Variants in LIMCH1 observed in about 807,000 individuals in gnomAD.
The protein encoded by LIMCH1 is LIM and calponin homology domains-containing protein 1.
A neutral mutation model predicts 176.5 loss-of-function variants in LIMCH1; 113 were observed. The ratio of observed to expected loss-of-function variants is 0.64; its 90% CI spans 0.55 to 0.75. The LOEUF is 0.75. Among genes scored for constraint, LIMCH1 ranks in the 30% least tolerant of loss-of-function variants. The pLI is 0.00. For synonymous variants in LIMCH1, 619 were observed against 645.9 expected (o/e 0.96, Z 0.63); for missense variants, 1,674 against 1,814.9 (o/e 0.92, Z 1.41).
intron 1 of LIMCH1, among the ~76,000 whole-genome samples, chr4:41,434,780 G>A (rs6848508): frequency 0.13 from 19,416 of 152,240 alleles, 1,478 homozygotes; most frequent in Admixed American, 0.21. Flanking sequence ...GCCTCCCAAA[G>A]TGCTGGGATT....
intron 26 of LIMCH1, 143 bp from the exon 27 acceptor site, chr4:41,684,254 C>T (rs189994368): frequency 2.2e-4 from 135 of 618,612 alleles, no homozygotes; most frequent in Admixed American, 1.1e-3. Flanking sequence ...CATTTTAAAT[C>T]TATTTTAAAA....
At chr4:41,659,765 G>A (rs1463267122) in intron 18 of LIMCH1, among the ~76,000 whole-genome samples, 1 of 152,050 alleles carries the variant, frequency 6.6e-6, no homozygotes, top group Non-Finnish European at 1.5e-5. Context: ...AAATGCAATA[G>A]TCATTAACTT....
chr4:41,531,276 G>T (rs1452926780), intron 3 of LIMCH1, among the ~76,000 whole-genome samples: 2 of 151,712 alleles, frequency 1.3e-5, no homozygotes, highest in South Asian at 4.2e-4. Flanking sequence ...TTTGAAAAAG[G>T]CACTGCTACA....
chr4:41,671,153 G>A (rs918083877), intron 21 of LIMCH1: 1 of 280,834 alleles, frequency 3.6e-6, no homozygotes, highest in East Asian at 1.8e-4. Flanking sequence ...GTGACATCTG[G>A]CCTCTGTTTG....
intron 27 of LIMCH1, among the ~76,000 whole-genome samples, 164 bp from the exon 28 acceptor site, chr4:41,685,546 A>G (rs1585934808): frequency 6.6e-6 from 1 of 152,206 alleles, no homozygotes; most frequent in Admixed American, 6.5e-5. Context: ...AAACTAAATC[A>G]TGATGCAGTG....
intron 25 of LIMCH1, among the ~76,000 whole-genome samples, chr4:41,682,057 A>G (rs1323548316): frequency 6.6e-6 from 1 of 152,120 alleles, no homozygotes; most frequent in Non-Finnish European, 1.5e-5. Context: ...ATACCAGAAA[A>G]CCATTTGTCC....
intron 18 of LIMCH1, among the ~76,000 whole-genome samples, chr4:41,653,314 G>T (rs1372763902): frequency 6.8e-6 from 1 of 146,718 alleles, no homozygotes. Context: ...TCTTGACTGT[G>T]TTACAGCCGG....
chr4:41,474,011 C>T (rs979964572), intron 1 of LIMCH1, among the ~76,000 whole-genome samples: 3 of 151,038 alleles, frequency 2.0e-5, no homozygotes, highest in African/African-American at 7.3e-5. Context: ...AACCCTGTCT[C>T]TACTAAAAAT....
intron 23 of LIMCH1, among the ~76,000 whole-genome samples, chr4:41,678,235 CT>C (rs58108652): frequency 1.5e-4 from 22 of 147,732 alleles, no homozygotes; most frequent in Middle Eastern, 3.5e-3. Flanking sequence ...TTTTTCTTTT[CT>C]TTTTTTTTTT....
intron 1 of LIMCH1, among the ~76,000 whole-genome samples, chr4:41,559,498 C>CT (rs1261959655): frequency 1.3e-5 from 2 of 152,132 alleles, no homozygotes; most frequent in African/African-American, 4.8e-5. Context: ...TTAAATCCCC[C>CT]TTTCCTGAAC....
Position 41,697,144 on chromosome 4 carries a change from T to C in LIMCH1, c.4379-16T>C, listed in dbSNP as rs1731325734. On this transcript the variant is annotated splice_polypyrimidine_tract_variant and intron_variant, in intron 31 of 31. Coordinates refer to ENST00000503057, the MANE Select transcript of LIMCH1 (RefSeq NM_001330672.2). Reference sequence around the variant, plus strand: ...TGCCTACCACTCTTGTTTGTTGTTGTTTGTTTTAATCACAGGTGCCGGGCA... The same window carrying C: ...TGCCTACCACTCTTGTTTGTTGTTGCTTGTTTTAATCACAGGTGCCGGGCA... 1 of 1,613,234 alleles carries C rather than the reference T, an allele frequency of 6.2e-7. No homozygotes were observed. Among genetic ancestry groups the C allele is most frequent in the Admixed American group, 1.7e-5 (1 of 59,980 alleles).
chr4:41,630,268 T>C (rs1308816270), intron 9 of LIMCH1, among the ~76,000 whole-genome samples: 1 of 152,094 alleles, frequency 6.6e-6, no homozygotes, highest in Middle Eastern at 3.2e-3. Context: ...GCAAGCCCCT[T>C]GTATCATTTT....
intron 1 of LIMCH1, among the ~76,000 whole-genome samples, chr4:41,579,516 T>C (rs1385361624): frequency 2.6e-5 from 4 of 152,210 alleles, no homozygotes; most frequent in African/African-American, 9.6e-5. Context: ...CTTGACATAG[T>C]TGTGCAGTCC....
chr4:41,522,689 T>C (rs916489394), intron 2 of LIMCH1, among the ~76,000 whole-genome samples: 1 of 152,236 alleles, frequency 6.6e-6, no homozygotes, highest in African/African-American at 2.4e-5. Context: ...CCTGAGAGAA[T>C]GCATTGATCT....
chr4:41,622,986 C>T (rs2092693063), intron 7 of LIMCH1, among the ~76,000 whole-genome samples: 1 of 152,194 alleles, frequency 6.6e-6, no homozygotes, highest in African/African-American at 2.4e-5. Context: ...GATTTTTCAG[C>T]TGCCAGCCAG....
At chr4:41,690,968 GTAGT>G (rs1725101299) in intron 30 of LIMCH1, among the ~76,000 whole-genome samples, 1 of 152,096 alleles carries the variant, frequency 6.6e-6, no homozygotes, top group African/African-American at 2.4e-5. Flanking sequence ...TTTAAGATTT[GTAGT>G]TATGCCAAGA....
chr4:41,554,535 G>A (rs1217354723), intron 1 of LIMCH1, among the ~76,000 whole-genome samples: 1 of 152,086 alleles, frequency 6.6e-6, no homozygotes, highest in Non-Finnish European at 1.5e-5. Flanking sequence ...AACTGCAGGG[G>A]AACCATTATT....
At position 41,579,487 on chromosome 4, in the gene LIMCH1, C is replaced by T. The variant is rs1049875305; in HGVS notation, c.-240-19433C>T. ...TTACCTTAATCTGCTTTTCAAATGG[C>T]ACACTGTGTCAGATGTCTCTTGACA... On this transcript the variant is annotated intron_variant, in intron 1 of 31. Transcript: ENST00000503057. Among the ~76,000 whole-genome samples the T allele has an allele frequency of 1.1e-4, 17 of 152,314 alleles. No individual in the cohort carries two copies. In the South Asian group the frequency reaches 3.3e-3, roughly 30 times the overall value.
At chr4:41,577,835 G>A (rs1420627691) in intron 1 of LIMCH1, among the ~76,000 whole-genome samples, 3 of 152,090 alleles carry the variant, frequency 2.0e-5, no homozygotes, top group Admixed American at 1.3e-4. Flanking sequence ...ATATACCAAC[G>A]TAAGTATATA....
Sources: allele counts gnomAD v4.1 joint callset (sites outside exome capture counted in the v4.1 genomes callset), GRCh38; gene constraint gnomAD v4.1.1; transcripts MANE v1.5; gene names NCBI Gene and HGNC (gene_info 2026-07-23, HGNC 2026-07-21).